The following PCBD2 variants were observed in gnomAD, a reference collection of about 807,000 sequenced individuals.
PCBD2 encodes pterin-4 alpha-carbinolamine dehydratase 2, also known as pterin-4-alpha-carbinolamine dehydratase 2.
Under a neutral mutation model 16.4 loss-of-function variants are expected in PCBD2, and 12 were observed. The observed-to-expected ratio is 0.73, with a 90% CI of 0.47 to 1.19. The LOEUF is 1.19. Among genes scored for constraint, PCBD2 ranks in the 50% most tolerant of loss-of-function variants. PCBD2 has a pLI of 0.00. For missense variants in PCBD2, 138 were observed against 156.8 expected, an observed-to-expected ratio of 0.88 and a Z score of 0.64; for synonymous variants, 58 against 61.8, an observed-to-expected ratio of 0.94 and a Z score of 0.29.
Position 134,960,642 on chromosome 5 carries a change from G to A in PCBD2, c.354G>A (p.Lys118=), listed in dbSNP as rs144454290. ...GTGAACTGACCAAAAAAGATGTGAA[G>A]CTGGCCAAGTTTATTGAAAAAGCAG... The part of the protein sequence containing the change: ...DCGELTKKDV[K]LAKFIEKAAA... The change falls in exon 4 of 4, where the codon AAG becomes AAA. Residue 118 remains lysine, a synonymous_variant. Coordinates refer to ENST00000254908, the MANE Select transcript of PCBD2 (RefSeq NM_032151.5). 7.3e-5 allele frequency: 117 copies of A among 1,613,608 alleles called. 1 individual carries two copies. Among genetic ancestry groups the A allele is most frequent in the Non-Finnish European group, 9.0e-5 (106 of 1,179,522 alleles).
At chr5:134,909,127 G>C (rs1273237599) in intron 1 of PCBD2, 1 of 152,290 alleles carries the variant, frequency 6.6e-6, no homozygotes, top group Non-Finnish European at 1.5e-5. Flanking sequence ...AGCATGGGAA[G>C]TGTGGGCCTG....
chr5:134,944,252 A>G (rs1751265411), intron 2 of PCBD2, among the ~76,000 whole-genome samples: 1 of 152,132 alleles, frequency 6.6e-6, no homozygotes. Flanking sequence ...AGGAGGGTGA[A>G]GGTATTTGGA....
chr5:134,952,862 T>G (rs1471480658), intron 2 of PCBD2, among the ~76,000 whole-genome samples: 1 of 152,130 alleles, frequency 6.6e-6, no homozygotes, highest in Non-Finnish European at 1.5e-5. Flanking sequence ...TTCTATTTAT[T>G]CCTATATTTC....
intron 2 of PCBD2, among the ~76,000 whole-genome samples, chr5:134,942,634 A>G (rs1751243226): frequency 6.6e-6 from 1 of 152,186 alleles, no homozygotes; most frequent in African/African-American, 2.4e-5. Context: ...TAAAAAAGTA[A>G]TTTATGATTA....
In PCBD2 at chr5:134,927,565, G is replaced by T. The variant is rs879969539; in HGVS notation, c.216+17099G>T. The T allele has an allele frequency of 3.3e-4, 132 of 396,680 alleles. 1 individual carries two copies. The East Asian group carries it at 4.7e-3, about 14-fold the overall frequency. 24.6% of individuals were successfully genotyped at this position (396,680 alleles called of 1,614,324 possible). On this transcript the variant is annotated intron_variant, in intron 2 of 3. Coordinates refer to ENST00000254908, the MANE Select transcript of PCBD2 (RefSeq NM_032151.5). ...TAGATTAGTGCGATGAGTAGGGGGA[G>T]GGAGCCTACTAGGGTGTAGAATAGG...
At chr5:134,940,649 C>T (rs932782935) in intron 2 of PCBD2, among the ~76,000 whole-genome samples, 3 of 152,090 alleles carry the variant, frequency 2.0e-5, no homozygotes, top group Non-Finnish European at 4.4e-5. Flanking sequence ...TGAGGTATTT[C>T]AGAGCAGTAC....
intron 2 of PCBD2, among the ~76,000 whole-genome samples, chr5:134,933,099 G>A (rs765025867): frequency 7.9e-5 from 12 of 152,048 alleles, no homozygotes; most frequent in Non-Finnish European, 1.6e-4. Flanking sequence ...ACTTAAAAAC[G>A]CTGTGAATGT....
chr5:134,941,084 G>A (rs897243315), intron 2 of PCBD2, among the ~76,000 whole-genome samples: 5 of 143,022 alleles, frequency 3.5e-5, no homozygotes, highest in African/African-American at 1.1e-4. Context: ...CACTGCACTC[G>A]AGCCTGGGCA....
At chr5:134,957,848 A>G (rs1362717221) in intron 2 of PCBD2, among the ~76,000 whole-genome samples, 3 of 152,176 alleles carry the variant, frequency 2.0e-5, no homozygotes, top group Admixed American at 6.5e-5. Flanking sequence ...CCCTTTTCCT[A>G]TAGGGAAAAC....
chr5:134,911,287 G>T (rs929150876), intron 2 of PCBD2, among the ~76,000 whole-genome samples: 2 of 152,130 alleles, frequency 1.3e-5, no homozygotes, highest in African/African-American at 4.8e-5. Context: ...CCAGTAGCCA[G>T]ATCCTGAACC....
At chr5:134,921,591 C>T (rs1750904185) in intron 2 of PCBD2, among the ~76,000 whole-genome samples, 2 of 152,090 alleles carry the variant, frequency 1.3e-5, no homozygotes, top group Non-Finnish European at 2.9e-5. Context: ...GGGTAGCTTT[C>T]CCACCAGTTT....
chr5:134,914,352 A>T (rs1382232969), intron 2 of PCBD2, among the ~76,000 whole-genome samples: 1 of 152,146 alleles, frequency 6.6e-6, no homozygotes, highest in African/African-American at 2.4e-5. Context: ...GGAGACTAAG[A>T]TAGTGAAAAA....
At chr5:134,909,447 A>G (rs1475426567) in intron 1 of PCBD2, among the ~76,000 whole-genome samples, 1 of 152,236 alleles carries the variant, frequency 6.6e-6, no homozygotes, top group Non-Finnish European at 1.5e-5. Flanking sequence ...CCAAATAGTT[A>G]AAACCATCTT....
intron 2 of PCBD2, chr5:134,928,668 A>T (rs1220629896): frequency 6.2e-6 from 1 of 161,508 alleles, no homozygotes; most frequent in Non-Finnish European, 1.3e-5. Context: ...CCCCGTCTCT[A>T]CTAAAAATAC....
intron 2 of PCBD2, among the ~76,000 whole-genome samples, chr5:134,920,288 C>T (rs1357533382): frequency 1.3e-5 from 2 of 152,198 alleles, no homozygotes; most frequent in Non-Finnish European, 2.9e-5. Context: ...TGTGGTCATA[C>T]TGGGTCATGT....
intron 2 of PCBD2, among the ~76,000 whole-genome samples, chr5:134,943,817 C>T (rs1751259894): frequency 6.6e-6 from 1 of 152,186 alleles, no homozygotes; most frequent in Admixed American, 6.5e-5. Context: ...TCATTGCTTT[C>T]AGTGGAGGGA....
intron 2 of PCBD2, among the ~76,000 whole-genome samples, chr5:134,940,976 G>A (rs181912714): frequency 6.6e-5 from 10 of 152,142 alleles, no homozygotes; most frequent in Middle Eastern, 3.4e-3. Context: ...AAAAATTAGC[G>A]TGGTGGCGCA....
intron 2 of PCBD2, chr5:134,927,681 T>C (rs1751030822): frequency 5.0e-6 from 2 of 398,180 alleles, no homozygotes; most frequent in African/African-American, 2.1e-5. Flanking sequence ...GAAGAAGATA[T>C]AAAATATGAT....
chr5:134,905,281 C>G (rs1378203706), intron 1 of PCBD2, 58 bp downstream of exon 1: 75 of 1,205,784 alleles, frequency 6.2e-5, no homozygotes, highest in Non-Finnish European at 7.5e-5. Flanking sequence ...GTGCGAGGCC[C>G]GGCGGCGTCG....
Sources: allele counts gnomAD v4.1 joint callset (sites outside exome capture counted in the v4.1 genomes callset), GRCh38; gene constraint gnomAD v4.1.1; transcripts MANE v1.5; gene names NCBI Gene and HGNC (gene_info 2026-07-23, HGNC 2026-07-21).